DGKB: variants seen among roughly 807,000 people sequenced by gnomAD.
DGKB encodes the protein diacylglycerol kinase beta.
A neutral mutation model predicts 114.3 loss-of-function variants in DGKB; 67 were observed. The ratio of observed to expected loss-of-function variants is 0.59; its 90% CI spans 0.48 to 0.72. The LOEUF is 0.72. Ranked by LOEUF, DGKB falls within the 30% of genes least tolerant of loss-of-function variation. The probability of loss-of-function intolerance (pLI) is 0.00; values close to 1 mark genes in which losing one functional copy is unlikely to be tolerated. For missense variants in DGKB, 907 were observed against 975.2 expected (o/e 0.93, Z 0.93); for synonymous variants, 398 against 323.1 (o/e 1.23, Z -2.49).
chr7:14,880,767 C>G (rs1854099948), intron 1 of DGKB, among the ~76,000 whole-genome samples: 1 of 152,112 alleles, frequency 6.6e-6, no homozygotes, highest in Non-Finnish European at 1.5e-5. Context: ...ATACCAAGCT[C>G]GTAACTTTAA....
chr7:14,515,082 A>G (rs1190772748), intron 20 of DGKB, among the ~76,000 whole-genome samples: 1 of 152,126 alleles, frequency 6.6e-6, no homozygotes, highest in Non-Finnish European at 1.5e-5. Context: ...TGGCCTCAAG[A>G]TCTCCAACTC....
At chr7:14,959,782 G>A (rs1420095429) in intron 1 of DGKB, among the ~76,000 whole-genome samples, 1 of 147,624 alleles carries the variant, frequency 6.8e-6, no homozygotes, top group African/African-American at 2.6e-5. Flanking sequence ...AAAAAAGGCA[G>A]TTTTCTATAG....
chr7:14,658,440 G>T (rs1257027123), intron 13 of DGKB, among the ~76,000 whole-genome samples: 2 of 151,780 alleles, frequency 1.3e-5, no homozygotes, highest in Non-Finnish European at 2.9e-5. Context: ...TGGAGTAGGG[G>T]GATAAAGAGA....
chr7:14,733,543 T>C (rs1831217755), intron 5 of DGKB, among the ~76,000 whole-genome samples: 1 of 151,850 alleles, frequency 6.6e-6, no homozygotes, highest in African/African-American at 2.4e-5. Context: ...AAAAATTGGC[T>C]GGGCATTTTG....
intron 20 of DGKB, among the ~76,000 whole-genome samples, chr7:14,497,474 C>T (rs1326396679): frequency 2.0e-5 from 3 of 151,726 alleles, no homozygotes; most frequent in Non-Finnish European, 4.4e-5. Flanking sequence ...TGAAGTCCAT[C>T]CCCCCATATC....
intron 25 of DGKB, among the ~76,000 whole-genome samples, chr7:14,162,845 C>T (rs1784102090): frequency 1.3e-5 from 2 of 152,122 alleles, no homozygotes; most frequent in Admixed American, 1.3e-4. Context: ...ATCTAATCAG[C>T]TTGGCATTAA....
chr7:14,188,490 C>G (rs1179485903), intron 23 of DGKB, among the ~76,000 whole-genome samples: 1 of 133,586 alleles, frequency 7.5e-6, no homozygotes, highest in Non-Finnish European at 1.7e-5. Flanking sequence ...GAAACCCCGT[C>G]TCTACTAAAA....
At chr7:14,833,703 T>C (rs1846745646) in intron 2 of DGKB, among the ~76,000 whole-genome samples, 1 of 152,154 alleles carries the variant, frequency 6.6e-6, no homozygotes, top group Non-Finnish European at 1.5e-5. Context: ...ATGACATGCA[T>C]GCTCATACAC....
chr7:14,242,459 G>A (rs1793819732), intron 23 of DGKB, among the ~76,000 whole-genome samples: 1 of 152,114 alleles, frequency 6.6e-6, no homozygotes, highest in African/African-American at 2.4e-5. Flanking sequence ...TTCGGTGCTT[G>A]AGACTCAGAT....
chr7:14,691,914 A>G (rs1822937307), intron 9 of DGKB, among the ~76,000 whole-genome samples: 1 of 151,116 alleles, frequency 6.6e-6, no homozygotes, highest in Non-Finnish European at 1.5e-5. Flanking sequence ...ACTCCCTTTT[A>G]CTAAAAACAT....
intron 21 of DGKB, among the ~76,000 whole-genome samples, chr7:14,371,547 A>G (rs1431842831): frequency 6.6e-6 from 1 of 151,882 alleles, no homozygotes; most frequent in African/African-American, 2.4e-5. Flanking sequence ...TTGTTTCCTT[A>G]TGTGTTCAAA....
chr7:14,627,661 G>A (rs1424021696), intron 14 of DGKB, among the ~76,000 whole-genome samples: 1 of 151,692 alleles, frequency 6.6e-6, no homozygotes, highest in Non-Finnish European at 1.5e-5. Flanking sequence ...AGAAGACTTT[G>A]GGCTAGGCGC....
At chr7:14,252,123 A>G (rs73069646) in intron 23 of DGKB, among the ~76,000 whole-genome samples, 6,814 of 152,134 alleles carry the variant, frequency 0.045, 227 homozygotes, top group East Asian at 0.17. Context: ...AATCTTGTAT[A>G]ATGCATATTT....
intron 2 of DGKB, among the ~76,000 whole-genome samples, chr7:14,797,348 C>A (rs1252356074): frequency 2.0e-5 from 3 of 152,126 alleles, no homozygotes; most frequent in Non-Finnish European, 4.4e-5. Context: ...TTCTTCTAGC[C>A]TTTTCCCAAA....
At chr7:14,554,866 TATTTAAGTTTATTCACCCTA>T (rs1795656716) in intron 20 of DGKB, among the ~76,000 whole-genome samples, 1 of 152,176 alleles carries the variant, frequency 6.6e-6, no homozygotes, top group African/African-American at 2.4e-5. Flanking sequence ...TGGAATTCAA[TATTTAAGTTTATTCACCCTA>T]TCTTTATTAT....
chr7:14,307,951 A>G (rs1562893860), intron 23 of DGKB, among the ~76,000 whole-genome samples: 1 of 149,072 alleles, frequency 6.7e-6, no homozygotes. Flanking sequence ...GACTTCAAGA[A>G]CAAATATCAG....
chr7:14,613,876 C>T (rs907599557), intron 15 of DGKB, among the ~76,000 whole-genome samples: 8 of 152,072 alleles, frequency 5.3e-5, no homozygotes, highest in Non-Finnish European at 1.2e-4. Context: ...TCTTCCCAAC[C>T]ACCTGTGAAC....
chr7:14,428,887 C>T lies in DGKB; in HGVS notation c.1835+49274G>A, dbSNP rs1827994475. Among the ~76,000 whole-genome samples, 4 of 151,996 alleles carry T rather than the reference C, an allele frequency of 2.6e-5. No homozygotes were observed. The South Asian group carries it at 8.3e-4, about 32-fold the overall frequency. ...AAAAGAGCAGAGAACATTCCCCAAG[C>T]CCCTATTTTACTAAGGACTCTTTGT... On this transcript the variant is annotated intron_variant, in intron 21 of 25. Coordinates refer to ENST00000402815, the MANE Select transcript of DGKB (RefSeq NM_001350709.2).
chr7:14,966,132 A>G (rs1334115552), intron 1 of DGKB, among the ~76,000 whole-genome samples: 2 of 152,110 alleles, frequency 1.3e-5, no homozygotes, highest in African/African-American at 4.8e-5. Context: ...TTCATCCATA[A>G]AAATTTTATT....
Sources: allele counts gnomAD v4.1 joint callset (sites outside exome capture counted in the v4.1 genomes callset), GRCh38; gene constraint gnomAD v4.1.1; transcripts MANE v1.5; gene names NCBI Gene and HGNC (gene_info 2026-07-23, HGNC 2026-07-21).